The following AVEN variants were observed in gnomAD, a reference collection of about 807,000 sequenced individuals.
AVEN encodes apoptosis and caspase activation inhibitor.
Under a neutral mutation model 38.1 loss-of-function variants are expected in AVEN, and 41 were observed. The observed-to-expected ratio is 1.08, with a 90% CI of 0.84 to 1.40. AVEN has a LOEUF of 1.40. Ranked by LOEUF, AVEN falls within the 40% of genes most tolerant of loss-of-function variation. The pLI is 0.00. For missense variants in AVEN, 605 were observed against 438.8 expected (o/e 1.38, Z -3.38); for synonymous variants, 206 against 171.8 (o/e 1.20, Z -1.56).
At chr15:33,986,159 T>G (rs1193966663) in intron 2 of AVEN, among the ~76,000 whole-genome samples, 1 of 151,936 alleles carries the variant, frequency 6.6e-6, no homozygotes, top group African/African-American at 2.4e-5. Flanking sequence ...CAGGCTGGAG[T>G]GCAGTGGCGC....
chr15:33,945,567 G>A (rs1029207926), intron 2 of AVEN, among the ~76,000 whole-genome samples: 1 of 151,890 alleles, frequency 6.6e-6, no homozygotes, highest in Non-Finnish European at 1.5e-5. Flanking sequence ...GGTCTGCTTG[G>A]TGCACTCTTA....
At chr15:34,030,479 G>T (rs1898732119) in intron 1 of AVEN, among the ~76,000 whole-genome samples, 1 of 152,018 alleles carries the variant, frequency 6.6e-6, no homozygotes, top group Non-Finnish European at 1.5e-5. Flanking sequence ...TCAAGTAGCT[G>T]GGACTACAGC....
chr15:34,036,538 T>C (rs1002914327), intron 1 of AVEN, among the ~76,000 whole-genome samples: 1 of 152,140 alleles, frequency 6.6e-6, no homozygotes, highest in African/African-American at 2.4e-5. Context: ...TCTTGTCTCA[T>C]GTAATGGTTA....
At chr15:33,905,521 T>A (rs192864286) in intron 2 of AVEN, among the ~76,000 whole-genome samples, 32 of 152,268 alleles carry the variant, frequency 2.1e-4, no homozygotes, top group African/African-American at 7.7e-4. Context: ...GGGATTATTT[T>A]CTTCCAAAGG....
In AVEN at chr15:34,038,975, G is replaced by T; in HGVS notation, c.72C>A (p.Arg24=). 9.0e-7 allele frequency: 1 copy of T among 1,112,544 alleles called. No individual in the cohort carries two copies. 68.9% of individuals were successfully genotyped at this position (1,112,544 alleles called of 1,614,324 possible). The part of the protein sequence containing the change: ...RPGRGRPGGD[R]HSERPGAAAA... ...CTGCGGCTCCGGGCCGCTCGCTGTG[G>T]CGATCTCCGCCAGGCCGGCCGCGGC... The change falls in exon 1 of 6, where the codon CGC becomes CGA. Residue 24 remains arginine (R), a synonymous_variant. Transcript: ENST00000306730.
At chr15:33,865,795 T>C (rs983325359), downstream of AVEN, 1 of 152,952 alleles carries the variant, frequency 6.5e-6, no homozygotes, top group Non-Finnish European at 1.5e-5. Flanking sequence ...TCTTTAGACA[T>C]AGCTATGCAA....
intron 1 of AVEN, among the ~76,000 whole-genome samples, chr15:34,021,484 C>T (rs1319466456): frequency 1.3e-5 from 2 of 152,016 alleles, no homozygotes; most frequent in Non-Finnish European, 2.9e-5. Context: ...GGGGTTTCTC[C>T]GTGTTGGTCA....
At chr15:34,062,897 G>T in intron 5 of AVEN, 2 of 1,614,206 alleles carry the variant, frequency 1.2e-6, no homozygotes, top group Non-Finnish European at 1.7e-6. Flanking sequence ...TCAACAGCCA[G>T]CTCAAGACAG....
rs1442006745 is a variant in AVEN, at chr15:33,876,086, C to G, written c.446-91G>C. ...CCCTGCTAGAGCAAAAGTGCCATTT[C>G]TGAAGTGCTCAAACTCAAAGGGAGA... On this transcript the variant is annotated intron_variant, in intron 2 of 5. Coordinates refer to ENST00000306730, the MANE Select transcript of AVEN (RefSeq NM_020371.3). 6 of 1,192,148 alleles carry G rather than the reference C, an allele frequency of 5.0e-6. No homozygotes were observed. In the South Asian group the frequency reaches 5.4e-5, roughly 11 times the overall value. 73.8% of individuals were successfully genotyped at this position (1,192,148 alleles called of 1,614,324 possible). A position where few individuals can be genotyped will look rare whatever the true frequency, so the allele number is the denominator to read the frequency against.
intron 5 of AVEN, 36 bp downstream of exon 5, chr15:33,867,458 GA>G: frequency 1.3e-6 from 2 of 1,536,564 alleles, no homozygotes; most frequent in Non-Finnish European, 1.7e-6. Flanking sequence ...AAAAACACCA[GA>G]ATCAAGATTC....
In AVEN at chr15:34,073,772, C is replaced by T. The variant is rs370939009; in HGVS notation, n.720+664G>A. On this transcript the variant is annotated intron_variant and non_coding_transcript_variant, in intron 1 of 11. Transcript: ENST00000675287. ...CTGACCTTGGGTGATCCACCCGCCT[C>T]GGCCTCCCAAAGTGTTGGGATTACA... Among the ~76,000 whole-genome samples the T allele has an allele frequency of 3.2e-4, 49 of 151,710 alleles. 1 individual carries two copies. The highest frequency in any genetic ancestry group is 1.7e-3 in the South Asian group (8 of 4,804).
rs533788693 is a variant in AVEN, at chr15:33,899,460, C to CTTTTTTT, written c.446-23472_446-23466dup. Among the ~76,000 whole-genome samples, 101 of 65,424 alleles carry CTTTTTTT rather than the reference C, an allele frequency of 1.5e-3. 10 individuals are homozygous for CTTTTTTT. Among genetic ancestry groups the CTTTTTTT allele is most frequent in the East Asian group, 0.011 (23 of 2,028 alleles). 42.9% of individuals were successfully genotyped at this position (65,424 alleles called of 152,430 possible). ...TACATTTATTTGCTTCAGGGAAAAC[C>CTTTTTTT]TTTTTTTTTTTTTTTTTTTTTTTTT... On this transcript the variant is annotated intron_variant, in intron 2 of 5. Transcript: ENST00000306730.
intron 2 of AVEN, among the ~76,000 whole-genome samples, chr15:33,967,854 T>C (rs2140486637): frequency 6.6e-6 from 1 of 151,048 alleles, no homozygotes; most frequent in Non-Finnish European, 1.5e-5. Flanking sequence ...TAAAAGTTTG[T>C]ATCAAATGAG....
At chr15:33,948,101 C>CTTT (rs149409619) in intron 2 of AVEN, among the ~76,000 whole-genome samples, 2 of 139,646 alleles carry the variant, frequency 1.4e-5, no homozygotes. Flanking sequence ...TTTTTCTTTT[C>CTTT]TTTTTTTTTT....
intron 2 of AVEN, among the ~76,000 whole-genome samples, chr15:34,001,133 G>T (rs547820337): frequency 6.6e-6 from 1 of 150,484 alleles, no homozygotes; most frequent in African/African-American, 2.5e-5. Context: ...CAATTCTCCT[G>T]CCTCAGCCTC....
At chr15:33,987,061 A>T (rs1597315769) in intron 2 of AVEN, among the ~76,000 whole-genome samples, 1 of 152,166 alleles carries the variant, frequency 6.6e-6, no homozygotes, top group African/African-American at 2.4e-5. Flanking sequence ...CATCCTCACC[A>T]CTCAATGCCT....
chr15:34,016,609 A>G (rs1286391977), intron 1 of AVEN, among the ~76,000 whole-genome samples: 2 of 152,218 alleles, frequency 1.3e-5, no homozygotes, highest in East Asian at 3.9e-4. Flanking sequence ...TTTTTGATCC[A>G]GTCAACAAAC....
chr15:33,986,372 G>T (rs1274566844), intron 2 of AVEN, among the ~76,000 whole-genome samples: 1 of 151,964 alleles, frequency 6.6e-6, no homozygotes, highest in Non-Finnish European at 1.5e-5. Context: ...GCCTCCCAAA[G>T]TGCTGGGATT....
rs1381411256 is a variant in AVEN at position 34,073,986 on chromosome 15, C to CTTTTTTTTTTTTTTTTTTTTTTTTTT, written n.720+449_720+450insAAAAAAAAAAAAAAAAAAAAAAAAAA. Among the ~76,000 whole-genome samples the CTTTTTTTTTTTTTTTTTTTTTTTTTT allele has an allele frequency of 5.9e-4, 66 of 112,238 alleles. 12 individuals carry two copies. Among genetic ancestry groups the CTTTTTTTTTTTTTTTTTTTTTTTTTT allele is most frequent in the African/African-American group, 2.7e-3 (65 of 24,262 alleles). 73.6% of individuals were successfully genotyped at this position (112,238 alleles called of 152,430 possible). A position where few individuals can be genotyped will look rare whatever the true frequency, so the allele number is the denominator to read the frequency against. Reference sequence around the variant, plus strand: ...TGGAGGAACTTTCTTTTTTCTTCTTCTTCTTTTTTTTTTTTTTTTTTTTTT... The same window carrying CTTTTTTTTTTTTTTTTTTTTTTTTTT: ...TGGAGGAACTTTCTTTTTTCTTCTTCTTTTTTTTTTTTTTTTTTTTTTTTTTTTCTTTTTTTTTTTTTTTTTTTTTT... On this transcript the variant is annotated intron_variant and non_coding_transcript_variant, in intron 1 of 11. Transcript: ENST00000675287.
Sources: gnomAD v4.1 joint callset for allele counts (sites outside exome capture counted in the v4.1 genomes callset) on GRCh38, gnomAD v4.1.1 for gene constraint, MANE v1.5 for transcripts, NCBI Gene and HGNC (gene_info 2026-07-23, HGNC 2026-07-21) for gene names.